PDE4D: variants seen among roughly 807,000 people sequenced by gnomAD.
PDE4D encodes the protein 3',5'-cyclic-AMP phosphodiesterase 4D.
A neutral mutation model predicts 87.4 loss-of-function variants in PDE4D; 24 were observed. The ratio of observed to expected loss-of-function variants is 0.27; its 90% CI spans 0.20 to 0.39. The LOEUF (loss-of-function observed/expected upper bound fraction) is 0.39. Ranked by LOEUF, PDE4D falls within the 10% of genes least tolerant of loss-of-function variation. The pLI is 1.00. For synonymous variants in PDE4D, 384 were observed against 383.2 expected, an observed-to-expected ratio of 1.00 and a Z score of -0.02; for missense variants, 714 against 1,041.0, an observed-to-expected ratio of 0.69 and a Z score of 4.32.
At chr5:60,046,166 T>C (rs1236889867) in intron 2 of PDE4D, among the ~76,000 whole-genome samples, 1 of 152,192 alleles carries the variant, frequency 6.6e-6, no homozygotes, top group African/African-American at 2.4e-5. Flanking sequence ...GGCTCTCTGT[T>C]TGTCTGTTGT....
chr5:60,240,033 A>G (rs979819195), intron 1 of PDE4D, among the ~76,000 whole-genome samples: 21 of 152,136 alleles, frequency 1.4e-4, no homozygotes, highest in African/African-American at 5.1e-4. Flanking sequence ...TAGTAGCTGT[A>G]ATGTTTCCAG....
intron 1 of PDE4D, among the ~76,000 whole-genome samples, chr5:60,342,869 C>T (rs1758424823): frequency 6.6e-6 from 1 of 152,122 alleles, no homozygotes; most frequent in Non-Finnish European, 1.5e-5. Flanking sequence ...CGTGACTTAT[C>T]TGGATGGAAT....
intron 1 of PDE4D, among the ~76,000 whole-genome samples, chr5:59,835,854 A>G (rs1041779120): frequency 6.6e-6 from 1 of 151,992 alleles, no homozygotes; most frequent in African/African-American, 2.4e-5. Context: ...TCTAGAAACT[A>G]TTCCATAACT....
chr5:59,600,025 C>T (rs925722894), intron 1 of PDE4D, among the ~76,000 whole-genome samples: 1 of 152,144 alleles, frequency 6.6e-6, no homozygotes. Context: ...GCTGCAACTC[C>T]TTTGACTCAA....
intron 2 of PDE4D, among the ~76,000 whole-genome samples, chr5:60,043,845 C>A (rs2152870701): frequency 6.6e-6 from 1 of 152,286 alleles, no homozygotes; most frequent in Admixed American, 6.5e-5. Context: ...CAGCCTTTGT[C>A]TGAGAAAGCA....
At chr5:59,703,057 A>G in intron 1 of PDE4D, among the ~76,000 whole-genome samples, 1 of 152,104 alleles carries the variant, frequency 6.6e-6, no homozygotes. Context: ...CGTCACATAG[A>G]AATGTTCCCT....
At chr5:60,406,898 C>T (rs559738632) in intron 1 of PDE4D, among the ~76,000 whole-genome samples, 4 of 152,104 alleles carry the variant, frequency 2.6e-5, no homozygotes, top group Admixed American at 1.3e-4. Context: ...TGGGGAGTTC[C>T]ATGTGCTTCC....
At chr5:59,687,871 A>T (rs1750178596) in intron 1 of PDE4D, among the ~76,000 whole-genome samples, 1 of 152,190 alleles carries the variant, frequency 6.6e-6, no homozygotes, top group Non-Finnish European at 1.5e-5. Flanking sequence ...GGGAGGAAGG[A>T]AGATCTACCA....
chr5:59,030,095 T>C (rs1212725598), intron 6 of PDE4D, among the ~76,000 whole-genome samples: 1 of 151,974 alleles, frequency 6.6e-6, no homozygotes, highest in East Asian at 1.9e-4. Context: ...GAAGAAAATA[T>C]AAGGGAAAAT....
chr5:59,420,689 G>GAAAAAAAAAAAA (rs55960957), intron 1 of PDE4D, among the ~76,000 whole-genome samples: 1 of 122,012 alleles, frequency 8.2e-6, no homozygotes, highest in Non-Finnish European at 1.7e-5. Context: ...TACTGCACAA[G>GAAAAAAAAAAAA]AAAAAAAAAA....
intron 6 of PDE4D, chr5:58,999,837 TTCTC>T (rs1412777864): frequency 6.1e-6 from 6 of 990,056 alleles, no homozygotes; most frequent in Non-Finnish European, 7.2e-6. Flanking sequence ...GTCTGCATCT[TTCTC>T]TCCCGAGCTC....
At chr5:59,245,103 C>T (rs1758585151) in intron 1 of PDE4D, among the ~76,000 whole-genome samples, 1 of 152,044 alleles carries the variant, frequency 6.6e-6, no homozygotes. Context: ...CTGCAACATG[C>T]TTCTTGCTGA....
rs915263541 is a variant in PDE4D, at chr5:59,587,340, T to C, written c.455+305828A>G. Reference sequence around the variant, plus strand: ...CCCGATGTCTTTCTTTTCTTTTTTTTCCTCTCTCAATCTCTTTTGTTTTTC... The same window carrying C: ...CCCGATGTCTTTCTTTTCTTTTTTTCCCTCTCTCAATCTCTTTTGTTTTTC... On this transcript the variant is annotated intron_variant, in intron 1 of 14. Transcript: ENST00000340635. 1.2e-5 allele frequency: 7 copies of C among 596,062 alleles called. No individual in the cohort carries two copies. The African/African-American group carries it at 1.2e-4, about 10-fold the overall frequency. The allele number at this position is 596,062 out of a possible 1,614,324, so 36.9% of individuals were successfully genotyped here.
intron 11 of PDE4D, among the ~76,000 whole-genome samples, chr5:58,983,447 G>A (rs137869534): frequency 1.6e-4 from 24 of 152,310 alleles, no homozygotes; most frequent in Non-Finnish European, 2.6e-4. Flanking sequence ...GGCTTGGCGC[G>A]TTAGATAATA....
chr5:60,483,622 T>C (rs1179013624), intron 1 of PDE4D, among the ~76,000 whole-genome samples: 1 of 152,210 alleles, frequency 6.6e-6, no homozygotes, highest in Non-Finnish European at 1.5e-5. Context: ...TATTTCACTA[T>C]AGTTTTAAAT....
intron 1 of PDE4D, among the ~76,000 whole-genome samples, chr5:60,330,355 C>A (rs1242078393): frequency 6.6e-6 from 1 of 152,084 alleles, no homozygotes; most frequent in Non-Finnish European, 1.5e-5. Flanking sequence ...GGAAGACAGA[C>A]AAATAAGCCC....
intron 1 of PDE4D, among the ~76,000 whole-genome samples, chr5:59,556,200 C>T (rs1209070510): frequency 6.6e-6 from 1 of 152,180 alleles, no homozygotes; most frequent in African/African-American, 2.4e-5. Flanking sequence ...CACTGCACTA[C>T]TAGTGGCCTG....
intron 1 of PDE4D, among the ~76,000 whole-genome samples, chr5:59,782,424 C>G (rs1009120776): frequency 2.0e-5 from 3 of 152,084 alleles, no homozygotes; most frequent in African/African-American, 7.2e-5. Flanking sequence ...AATAATTCCC[C>G]GTAAAAGATA....
chr5:59,721,664 A>T (rs1033005801), intron 1 of PDE4D, among the ~76,000 whole-genome samples: 2 of 152,194 alleles, frequency 1.3e-5, no homozygotes, highest in African/African-American at 4.8e-5. Flanking sequence ...ATGCTGTTTA[A>T]ACAATGAATA....
Sources: allele counts gnomAD v4.1 joint callset (sites outside exome capture counted in the v4.1 genomes callset), GRCh38; gene constraint gnomAD v4.1.1; transcripts MANE v1.5; gene names NCBI Gene and HGNC (gene_info 2026-07-23, HGNC 2026-07-21).